OSTN: variants seen among roughly 807,000 people sequenced by gnomAD.
OSTN encodes the protein osteocrin.
Under a neutral mutation model 12.0 loss-of-function variants are expected in OSTN, and 9 were observed. The observed-to-expected ratio is 0.75, with a 90% confidence interval of 0.45 to 1.30. The LOEUF is 1.30. Ranked by LOEUF, OSTN falls within the 50% of genes most tolerant of loss-of-function variation. The pLI is 0.00. For synonymous variants in OSTN, 59 were observed against 56.9 expected (o/e 1.04, Z -0.16); for missense variants, 148 against 152.3 (o/e 0.97, Z 0.15).
intron 3 of OSTN, among the ~76,000 whole-genome samples, chr3:191,219,733 G>A (rs891248813): frequency 6.6e-6 from 1 of 152,086 alleles, no homozygotes; most frequent in Non-Finnish European, 1.5e-5. Context: ...ACAGGAATCT[G>A]GGAAATTGAC....
chr3:191,264,930 G>A lies in OSTN; in HGVS notation c.*2077G>A, dbSNP rs896043429. On this transcript the variant is annotated 3_prime_UTR_variant, in exon 5 of 5. Coordinates refer to ENST00000682035, the MANE Select transcript of OSTN (RefSeq NM_198184.2). ...AATTAAAATAAGAAGTCACAATATAGTGATTTATGCTATAGTTTCATGTGT... is the reference window on the plus strand; with the variant it reads ...AATTAAAATAAGAAGTCACAATATAATGATTTATGCTATAGTTTCATGTGT... The A allele has an allele frequency of 6.6e-6, 1 of 151,454 alleles. No homozygotes were observed. The highest frequency in any genetic ancestry group is 2.4e-5 in the African/African-American group (1 of 41,300). The allele number at this position is 151,454 out of a possible 1,614,324, so 9.4% of individuals were successfully genotyped here. A position where few individuals can be genotyped will look rare whatever the true frequency, so the allele number is the denominator to read the frequency against.
intron 3 of OSTN, 129 bp downstream of exon 3, chr3:191,219,090 A>C (rs1714698380): frequency 1.2e-6 from 1 of 830,152 alleles, no homozygotes; most frequent in South Asian, 1.9e-5. Flanking sequence ...ACGGTATGTT[A>C]GCTAATCTGT....
rs573408224 is a variant in OSTN at position 191,210,316 on chromosome 3, T to C, written c.1-2217T>C. Among the ~76,000 whole-genome samples, 7 of 152,248 alleles carry C rather than the reference T, an allele frequency of 4.6e-5. No individual in the cohort carries two copies. The East Asian group carries it at 1.4e-3, about 29-fold the overall frequency. On this transcript the variant is annotated intron_variant, in intron 1 of 4. Transcript: ENST00000682035. ...GCAACTCACGGCAGTGCGTTAGCAG[T>C]GGCACGCACCCGAGCCTCTGCCTCT...
intron 3 of OSTN, 96 bp downstream of exon 3, chr3:191,219,057 C>T (rs1038552256): frequency 1.1e-5 from 12 of 1,082,740 alleles, no homozygotes; most frequent in African/African-American, 8.0e-5. Context: ...ACAGTGAAAA[C>T]CTTGTATATA....
chr3:191,219,992 G>C (rs1380674160), intron 3 of OSTN, among the ~76,000 whole-genome samples: 1 of 152,106 alleles, frequency 6.6e-6, no homozygotes, highest in African/African-American at 2.4e-5. Context: ...TAAAACAAAA[G>C]TCTGTGTGAA....
chr3:191,249,628 C>A (rs1452765826), intron 3 of OSTN, among the ~76,000 whole-genome samples: 2 of 152,114 alleles, frequency 1.3e-5, no homozygotes, highest in African/African-American at 4.8e-5. Context: ...TTTAGATGAG[C>A]CATTCTGAAG....
chr3:191,214,549 C>T (rs1050434158), intron 2 of OSTN, among the ~76,000 whole-genome samples: 2 of 151,080 alleles, frequency 1.3e-5, no homozygotes, highest in African/African-American at 4.9e-5. Context: ...ACTTAGGGCA[C>T]ATATGACTGT....
intron 3 of OSTN, among the ~76,000 whole-genome samples, chr3:191,249,137 A>T (rs1462838777): frequency 6.6e-6 from 1 of 151,298 alleles, no homozygotes; most frequent in Non-Finnish European, 1.5e-5. Context: ...TAAGCCAGTT[A>T]CCTTTTCTGT....
At chr3:191,249,662 T>C (rs1429169294) in intron 3 of OSTN, among the ~76,000 whole-genome samples, 1 of 152,150 alleles carries the variant, frequency 6.6e-6, no homozygotes, top group Non-Finnish European at 1.5e-5. Context: ...AAACTACTTA[T>C]CCAGTTTAAT....
chr3:191,211,020 A>C (rs1714404870), intron 1 of OSTN, among the ~76,000 whole-genome samples: 1 of 152,240 alleles, frequency 6.6e-6, no homozygotes, highest in Non-Finnish European at 1.5e-5. Flanking sequence ...ACCCAGAATT[A>C]ACATGTGTAA....
chr3:191,230,103 A>AATAAATAT (rs71175389), intron 3 of OSTN, among the ~76,000 whole-genome samples: 3 of 151,812 alleles, frequency 2.0e-5, no homozygotes, highest in African/African-American at 7.3e-5. Flanking sequence ...TAAATAAATA[A>AATAAATAT]CTTAGGATAT....
chr3:191,219,339 T>C (rs190194362), intron 3 of OSTN, among the ~76,000 whole-genome samples: 61 of 152,352 alleles, frequency 4.0e-4, no homozygotes, highest in African/African-American at 1.4e-3. Flanking sequence ...CTTTGGTTTT[T>C]ACCTGTGATG....
intron 1 of OSTN, among the ~76,000 whole-genome samples, chr3:191,200,979 G>A (rs1714139181): frequency 6.6e-6 from 1 of 152,088 alleles, no homozygotes; most frequent in Non-Finnish European, 1.5e-5. Flanking sequence ...CCTCCCCTCA[G>A]GAGCTTGTGG....
At position 191,250,068 on chromosome 3, in the gene OSTN, G is replaced by C; in HGVS notation, c.349G>C (p.Gly117Arg). 1 of 1,613,766 alleles carries C rather than the reference G, an allele frequency of 6.2e-7. No homozygotes were observed. Among genetic ancestry groups the C allele is most frequent in the South Asian group, 1.1e-5 (1 of 91,062 alleles). ...KVVDHPKRRF[G>R]IPMDRIGRNR... ...AGTAGATCATCCAAAAAGGCGATTT[G>C]GTATCCCCATGGATCGGATTGGTAG... The change falls in exon 4 of 5, where the codon GGT (glycine) becomes CGT (arginine). Residue 117 changes from glycine to arginine, a missense_variant. By Grantham distance (125) the Gly-to-Arg change is moderately radical (BLOSUM62 -2). Transcript: ENST00000682035.
At chr3:191,199,752 C>A (rs1283564002) in intron 1 of OSTN, among the ~76,000 whole-genome samples, 2 of 152,038 alleles carry the variant, frequency 1.3e-5, no homozygotes, top group Admixed American at 6.6e-5. Context: ...TAATGAAATT[C>A]TATCTCTTAT....
chr3:191,221,657 G>A lies in OSTN; in HGVS notation c.317+2696G>A, dbSNP rs1394709147. Reference sequence around the variant, plus strand: ...GGAAGAAATTTCTAAATGGCAAAGTGTTCAAGAGGAAGCAGGGCATAAAAG... The same window carrying A: ...GGAAGAAATTTCTAAATGGCAAAGTATTCAAGAGGAAGCAGGGCATAAAAG... On this transcript the variant is annotated intron_variant, in intron 3 of 4. Transcript: ENST00000682035. Among the ~76,000 whole-genome samples the A allele has an allele frequency of 3.3e-5, 5 of 150,732 alleles. No homozygotes were observed. The East Asian group carries it at 5.8e-4, about 18-fold the overall frequency.
chr3:191,208,472 A>G (rs906767339), intron 1 of OSTN, among the ~76,000 whole-genome samples: 1 of 152,224 alleles, frequency 6.6e-6, no homozygotes, highest in African/African-American at 2.4e-5. Context: ...TTAACTGGCT[A>G]CAAGCATGGC....
chr3:191,263,336 C>T lies in OSTN; in HGVS notation c.*483C>T, dbSNP rs373000457. On this transcript the variant is annotated 3_prime_UTR_variant, in exon 5 of 5. Coordinates refer to ENST00000682035, the MANE Select transcript of OSTN (RefSeq NM_198184.2). Reference sequence around the variant, plus strand: ...TATTCCATTTTTCCAAGAGTCTGATCGGTAATAATTATGAAATTAGGCTTC... The same window carrying T: ...TATTCCATTTTTCCAAGAGTCTGATTGGTAATAATTATGAAATTAGGCTTC... 1.5e-3 allele frequency: 234 copies of T among 152,784 alleles called. No homozygotes were observed. Among genetic ancestry groups the T allele is most frequent in the Admixed American group, 2.3e-3 (36 of 15,324 alleles). 9.5% of individuals were successfully genotyped at this position (152,784 alleles called of 1,614,324 possible).
At chr3:191,228,285 A>G (rs1367671436) in intron 3 of OSTN, among the ~76,000 whole-genome samples, 1 of 152,206 alleles carries the variant, frequency 6.6e-6, no homozygotes, top group African/African-American at 2.4e-5. Flanking sequence ...GAACAAAATC[A>G]TGAGTTTTAT....
Sources: gnomAD v4.1 joint callset for allele counts (sites outside exome capture counted in the v4.1 genomes callset) on GRCh38, gnomAD v4.1.1 for gene constraint, MANE v1.5 for transcripts, NCBI Gene and HGNC (gene_info 2026-07-23, HGNC 2026-07-21) for gene names.